CDH8: variants seen among roughly 807,000 people sequenced by gnomAD.
CDH8 encodes cadherin 8, also known as cadherin-8.
Under a neutral mutation model 68.1 loss-of-function variants are expected in CDH8, and 17 were observed. That is an observed-to-expected ratio of 0.25 (90% CI 0.17 to 0.37). CDH8 has a LOEUF of 0.37. Ranked by LOEUF, CDH8 falls within the 10% of genes least tolerant of loss-of-function variation. CDH8 has a pLI of 1.00. For missense variants in CDH8, 763 were observed against 999.3 expected, an observed-to-expected ratio of 0.76 and a Z score of 3.19; for synonymous variants, 372 against 365.1, an observed-to-expected ratio of 1.02 and a Z score of -0.21.
At position 61,652,998 on chromosome 16, in the gene CDH8, C is replaced by T. The variant is rs1200558933; in HGVS notation, c.*610G>A. The T allele has an allele frequency of 1.7e-5, 25 of 1,463,814 alleles. No individual in the cohort carries two copies. The highest frequency in any genetic ancestry group is 2.2e-5 in the Non-Finnish European group (24 of 1,111,424). 90.7% of individuals were successfully genotyped at this position (1,463,814 alleles called of 1,614,324 possible). A position where few individuals can be genotyped will look rare whatever the true frequency, so the allele number is the denominator to read the frequency against. ...TTACGAACATGTGAATATTTTAAGG[C>T]TCGACACAATATTTAAAGATGCTAT... On this transcript the variant is annotated 3_prime_UTR_variant, in exon 12 of 12. Coordinates refer to ENST00000577390, the MANE Select transcript of CDH8 (RefSeq NM_001796.5).
chr16:61,731,627 A>C (rs919653642), intron 8 of CDH8, among the ~76,000 whole-genome samples: 3 of 151,832 alleles, frequency 2.0e-5, no homozygotes, highest in Admixed American at 1.3e-4. Flanking sequence ...AGTCACAAAC[A>C]AGTGAGTAAT....
At chr16:61,956,637 C>A (rs1597088814) in intron 2 of CDH8, among the ~76,000 whole-genome samples, 1 of 152,104 alleles carries the variant, frequency 6.6e-6, no homozygotes, top group Non-Finnish European at 1.5e-5. Flanking sequence ...TGCTGCTTAA[C>A]AAGTTTGTAT....
intron 2 of CDH8, among the ~76,000 whole-genome samples, chr16:61,908,916 G>C (rs769391689): frequency 6.6e-5 from 10 of 152,074 alleles, no homozygotes; most frequent in Non-Finnish European, 1.3e-4. Flanking sequence ...TGACCCTCAT[G>C]ATCACATAGT....
chr16:61,801,410 G>T (rs1324521342), intron 7 of CDH8, among the ~76,000 whole-genome samples: 1 of 152,344 alleles, frequency 6.6e-6, no homozygotes, highest in East Asian at 1.9e-4. Context: ...GGTAACCACT[G>T]TGGATTTGGG....
At chr16:61,756,988 C>T (rs1253166830) in intron 8 of CDH8, among the ~76,000 whole-genome samples, 2 of 152,102 alleles carry the variant, frequency 1.3e-5, no homozygotes, top group Admixed American at 6.6e-5. Context: ...ATTGAGTTCT[C>T]GATTAAAATA....
chr16:62,035,710 G>A (rs1048969531), intron 1 of CDH8, among the ~76,000 whole-genome samples: 19 of 152,144 alleles, frequency 1.2e-4, no homozygotes, highest in African/African-American at 4.1e-4. Flanking sequence ...ACCCCGCAGT[G>A]AAGGCGCGCG....
intron 2 of CDH8, among the ~76,000 whole-genome samples, chr16:61,988,258 C>T (rs746001210): frequency 5.9e-5 from 9 of 152,044 alleles, no homozygotes; most frequent in South Asian, 2.1e-4. Flanking sequence ...AGCAACACTC[C>T]GTACAGAAAG....
At chr16:61,914,066 C>T (rs1157503410) in intron 2 of CDH8, among the ~76,000 whole-genome samples, 1 of 151,976 alleles carries the variant, frequency 6.6e-6, no homozygotes, top group Admixed American at 6.6e-5. Context: ...TAATTTGGAC[C>T]CATATAGAGA....
chr16:61,799,026 T>C (rs1329735684), intron 7 of CDH8, among the ~76,000 whole-genome samples: 2 of 152,186 alleles, frequency 1.3e-5, no homozygotes, highest in South Asian at 2.1e-4. Flanking sequence ...AGGTTAGGAG[T>C]TGTGAGGATA....
chr16:61,794,346 G>A (rs1324519075), intron 7 of CDH8, among the ~76,000 whole-genome samples: 2 of 151,948 alleles, frequency 1.3e-5, no homozygotes, highest in African/African-American at 2.4e-5. Context: ...CATTACTGGC[G>A]TATATGTGAT....
At chr16:61,670,100 A>G (rs1230527640) in intron 10 of CDH8, among the ~76,000 whole-genome samples, 1 of 152,018 alleles carries the variant, frequency 6.6e-6, no homozygotes, top group African/African-American at 2.4e-5. Flanking sequence ...TTTCTTGGTT[A>G]TATTTCGTGT....
At chr16:61,821,210 A>T in intron 5 of CDH8, 97 bp from the exon 6 acceptor site, 1 of 762,162 alleles carries the variant, frequency 1.3e-6, no homozygotes. Flanking sequence ...TGTTCTGGGC[A>T]TTCCTATAGA....
chr16:61,890,230 C>T (rs148608977), intron 3 of CDH8, among the ~76,000 whole-genome samples: 244 of 152,106 alleles, frequency 1.6e-3, no homozygotes, highest in African/African-American at 4.9e-3. Context: ...ATAATCAAAT[C>T]GAGTTTAAGA....
intron 7 of CDH8, among the ~76,000 whole-genome samples, 190 bp from the exon 8 acceptor site, chr16:61,789,672 G>A (rs535706098): frequency 6.6e-6 from 1 of 152,122 alleles, no homozygotes; most frequent in South Asian, 2.1e-4. Context: ...ATTGTCCAAG[G>A]AGCAATTAGC....
At chr16:61,742,129 T>A (rs192016803) in intron 8 of CDH8, among the ~76,000 whole-genome samples, 1 of 152,182 alleles carries the variant, frequency 6.6e-6, no homozygotes, top group Admixed American at 6.5e-5. Flanking sequence ...GTAATTGAAG[T>A]CTGCTCAATA....
In CDH8 at chr16:61,896,582, C is replaced by T. The variant is rs190463343; in HGVS notation, c.547+4597G>A. Reference sequence around the variant, plus strand: ...AAGAGGAAGAAAAAAGCGATGGTAGCTGACCTTCTTCCAGATATTCACCTT... The same window carrying T: ...AAGAGGAAGAAAAAAGCGATGGTAGTTGACCTTCTTCCAGATATTCACCTT... On this transcript the variant is annotated intron_variant, in intron 3 of 11. Transcript: ENST00000577390. Among the ~76,000 whole-genome samples, 161 of 152,270 alleles carry T rather than the reference C, an allele frequency of 1.1e-3. 2 individuals are homozygous for T. The highest frequency in any genetic ancestry group is 0.01 in the Admixed American group (156 of 15,288).
intron 2 of CDH8, among the ~76,000 whole-genome samples, chr16:61,980,412 T>C (rs1222427316): frequency 2.0e-5 from 3 of 152,172 alleles, no homozygotes; most frequent in Non-Finnish European, 4.4e-5. Context: ...TCTAATCACC[T>C]CATTTTTTTC....
At chr16:61,880,515 G>C (rs1168167941) in intron 3 of CDH8, among the ~76,000 whole-genome samples, 1 of 152,184 alleles carries the variant, frequency 6.6e-6, no homozygotes, top group Non-Finnish European at 1.5e-5. Context: ...TGATCAAAAA[G>C]ACCAGTATGG....
intron 8 of CDH8, among the ~76,000 whole-genome samples, chr16:61,757,658 G>A (rs1596938483): frequency 6.6e-6 from 1 of 151,980 alleles, no homozygotes; most frequent in East Asian, 1.9e-4. Context: ...ATCTCTCTTG[G>A]GGTACTTCAT....
Sources: gnomAD v4.1 joint callset for allele counts (sites outside exome capture counted in the v4.1 genomes callset) on GRCh38, gnomAD v4.1.1 for gene constraint, MANE v1.5 for transcripts, NCBI Gene and HGNC (gene_info 2026-07-23, HGNC 2026-07-21) for gene names.